The following NPR2 variants were observed in gnomAD, a reference collection of about 807,000 sequenced individuals.
NPR2 encodes natriuretic peptide receptor 2, also known as atrial natriuretic peptide receptor 2.
NPR2 carries 49 observed loss-of-function variants against 120.7 expected under a neutral mutation model. The ratio of observed to expected loss-of-function variants is 0.41; its 90% CI spans 0.32 to 0.52. The LOEUF is 0.52. Ranked by LOEUF, NPR2 falls within the 20% of genes least tolerant of loss-of-function variation. The pLI, the probability that NPR2 is intolerant of heterozygous loss-of-function variation, is 0.36. For missense variants in NPR2, 931 were observed against 1,362.9 expected, an observed-to-expected ratio of 0.68 and a Z score of 4.99; for synonymous variants, 484 against 519.8, an observed-to-expected ratio of 0.93 and a Z score of 0.94.
At chr9:35,795,035 A>G (rs762546600) in intron 2 of NPR2, among the ~76,000 whole-genome samples, 8 of 152,300 alleles carry the variant, frequency 5.3e-5, no homozygotes, top group Non-Finnish European at 1.2e-4. Context: ...GAATGTTGGC[A>G]TGACTCTGTT....
chr9:35,802,483 C>A lies in NPR2; in HGVS notation c.1711-20C>A. On this transcript the variant is annotated intron_variant, in intron 10 of 21. Transcript: ENST00000342694. The surrounding 1 kb of genome is among the most constrained non-coding windows in gnomAD (Gnocchi z 4.2). ...AACTCTTTCAATTTTCTTATCCTTC[C>A]CATTGTTTTTTTCTGCCAGATGAGA... The A allele has an allele frequency of 7.0e-7, 1 of 1,435,728 alleles. No individual in the cohort carries two copies. Among genetic ancestry groups the A allele is most frequent in the South Asian group, 1.1e-5 (1 of 87,454 alleles). 88.9% of individuals were successfully genotyped at this position (1,435,728 alleles called of 1,614,324 possible). A position where few individuals can be genotyped will look rare whatever the true frequency, so the allele number is the denominator to read the frequency against.
intron 17 of NPR2, 44 bp from the exon 18 acceptor site, chr9:35,807,286 A>T (rs372588782): frequency 2.7e-5 from 42 of 1,555,622 alleles, no homozygotes; most frequent in African/African-American, 9.5e-5. Context: ...TTCTTAGAAA[A>T]TTGGGCACAA....
Position 35,806,312 on chromosome 9 carries a change from G to A in NPR2, c.2372+79G>A, listed in dbSNP as rs1293268905. 3.1e-6 allele frequency: 5 copies of A among 1,609,274 alleles called. No homozygotes were observed. The highest frequency in any genetic ancestry group is 3.4e-6 in the Non-Finnish European group (4 of 1,175,802). On this transcript the variant is annotated intron_variant, in intron 15 of 21. Coordinates refer to ENST00000342694, the MANE Select transcript of NPR2 (RefSeq NM_003995.4). The surrounding 1 kb of genome is among the most constrained non-coding windows in gnomAD (Gnocchi z 4.6). ...CTAGTGCATGAAGTGGGGCAGGTGG[G>A]ACCAGAGGGTGGGTTGGATAGGAAG...
At position 35,801,072 on chromosome 9, in the gene NPR2, C is replaced by T. The variant is rs754405138; in HGVS notation, c.1354C>T (p.Pro452Ser). The T allele has an allele frequency of 2.5e-6, 4 of 1,613,472 alleles. No individual in the cohort carries two copies. The highest frequency in any genetic ancestry group is 2.5e-6 in the Non-Finnish European group (3 of 1,179,354). ...DLDDPSCDKTPLSTLAIVALG... is the reference protein window; with the variant it reads ...DLDDPSCDKTSLSTLAIVALG... ...CAGGGTCTCTATTTCCCCTTCAGCTCCACTTTCAACCCTGGCAATTGTGGC... is the reference window on the plus strand; with the variant it reads ...CAGGGTCTCTATTTCCCCTTCAGCTTCACTTTCAACCCTGGCAATTGTGGC... The change falls in exon 7 of 22, where the codon CCA becomes TCA. Residue 452 changes from proline to serine, a missense_variant and splice_region_variant. Pro to Ser is a moderately conservative substitution (Grantham distance 74). Around this residue, in one of 3 missense-constraint regions of NPR2, gnomAD observed 681 missense variants for 974.3 expected, o/e 0.70. Transcript: ENST00000342694.
At chr9:35,797,264 G>T (rs1362101842) in intron 2 of NPR2, among the ~76,000 whole-genome samples, 5 of 152,164 alleles carry the variant, frequency 3.3e-5, no homozygotes, top group Admixed American at 6.5e-5. Flanking sequence ...GATCAACCAG[G>T]ATAGGGAAGA....
chr9:35,799,928 C>G, intron 3 of NPR2, 94 bp from the exon 4 acceptor site: 1 of 1,576,990 alleles, frequency 6.3e-7, no homozygotes, highest in Non-Finnish European at 8.7e-7. Context: ...AGAAAGCAAA[C>G]CAGAAGAGAG....
chr9:35,806,369 G>A lies in NPR2; in HGVS notation c.2373-23G>A. ...GAATCTTCAGAATCTTAGAGCAAGTGCCTTATCCTGGCCTCCCTCTAGGGA... is the reference window on the plus strand; with the variant it reads ...GAATCTTCAGAATCTTAGAGCAAGTACCTTATCCTGGCCTCCCTCTAGGGA... On this transcript the variant is annotated intron_variant, in intron 15 of 21. Transcript: ENST00000342694. This position sits in a 1 kb window ranked among gnomAD's most constrained non-coding sequence, Gnocchi z 4.6. The A allele has an allele frequency of 6.2e-7, 1 of 1,613,382 alleles. No homozygotes were observed. The highest frequency in any genetic ancestry group is 8.5e-7 in the Non-Finnish European group (1 of 1,179,406).
rs753472316 is a variant in NPR2 at position 35,806,160 on chromosome 9, C to T, written c.2299C>T (p.Arg767Ter). ...LNEELVLLME[R>*]CWAQDPAERP... is the part of the protein sequence containing the mutation. ...TGAAGAGCTAGTTTTGCTGATGGAGCGATGTTGGGCTCAGGACCCAGCTGA... is the reference window on the plus strand; with the variant it reads ...TGAAGAGCTAGTTTTGCTGATGGAGTGATGTTGGGCTCAGGACCCAGCTGA... Residue 767 changes from arginine to a stop codon, truncating the protein, a stop_gained, in exon 15 of 22, where the codon CGA becomes TGA. Transcript: ENST00000342694. LOFTEE classifies it high-confidence loss of function. The surrounding 1 kb of genome is among the most constrained non-coding windows in gnomAD (Gnocchi z 4.6). 1.9e-6 allele frequency: 3 copies of T among 1,614,188 alleles called. No individual in the cohort carries two copies. The highest frequency in any genetic ancestry group is 2.5e-6 in the Non-Finnish European group (3 of 1,180,040).
In NPR2 at chr9:35,791,685, G is replaced by A. The variant is rs986843851; in HGVS notation, c.-724G>A. On this transcript the variant is annotated 5_prime_UTR_variant, in exon 1 of 22. Transcript: ENST00000342694. ...GCGGCGCGCGCGGGGCCCAGGCGGGGGGCGGGAGGAAGCGCCGGGCAGCGC... is the reference window on the plus strand; with the variant it reads ...GCGGCGCGCGCGGGGCCCAGGCGGGAGGCGGGAGGAAGCGCCGGGCAGCGC... Among the ~76,000 whole-genome samples, 59 of 150,898 alleles carry A rather than the reference G, an allele frequency of 3.9e-4. No homozygotes were observed. In the East Asian group the frequency reaches 4.9e-3, roughly 13 times the overall value.
At position 35,808,332 on chromosome 9, in the gene NPR2, A is replaced by G. The variant is rs1443281497; in HGVS notation, c.2713-177A>G. The G allele has an allele frequency of 1.9e-6, 3 of 1,552,968 alleles. No homozygotes were observed. The African/African-American group carries it at 4.1e-5, about 21-fold the overall frequency. On this transcript the variant is annotated intron_variant, in intron 18 of 21. Coordinates refer to ENST00000342694, the MANE Select transcript of NPR2 (RefSeq NM_003995.4). The surrounding 1 kb of genome is among the most constrained non-coding windows in gnomAD (Gnocchi z 4.0). Reference sequence around the variant, plus strand: ...CTGGGTGGAGAAAGAAGACTTAAAGATTCCCTAGACATCTCCTCTCCCCTA... The same window carrying G: ...CTGGGTGGAGAAAGAAGACTTAAAGGTTCCCTAGACATCTCCTCTCCCCTA...
Position 35,802,661 on chromosome 9 carries a change from TTATACTGACTC to T in NPR2, c.1815+58_1816-57del. ...AGGGGTGGGAAGGATAGACCCAAAG[TTATACTGACTC>T]TATGCTGGGTGATAGCTGGTGGGAC... On this transcript the variant is annotated intron_variant, in intron 11 of 21. Coordinates refer to ENST00000342694, the MANE Select transcript of NPR2 (RefSeq NM_003995.4). The surrounding 1 kb of genome is among the most constrained non-coding windows in gnomAD (Gnocchi z 4.2). The T allele has an allele frequency of 6.7e-7, 1 of 1,481,824 alleles. No homozygotes were observed. Among genetic ancestry groups the T allele is most frequent in the South Asian group, 1.1e-5 (1 of 88,414 alleles). The allele number at this position is 1,481,824 out of a possible 1,614,324, so 91.8% of individuals were successfully genotyped here. A position where few individuals can be genotyped will look rare whatever the true frequency, so the allele number is the denominator to read the frequency against.
chr9:35,802,406 A>G lies in NPR2; in HGVS notation c.1711-97A>G. ...TAAATGATTTTAAAATCGTAGATAC[A>G]ACTAAGAGAAAGGTCCTCTTATGTA... On this transcript the variant is annotated intron_variant, in intron 10 of 21. Transcript: ENST00000342694. The surrounding 1 kb of genome is among the most constrained non-coding windows in gnomAD (Gnocchi z 4.2). The G allele has an allele frequency of 2.1e-6, 2 of 954,080 alleles. No homozygotes were observed. Among genetic ancestry groups the G allele is most frequent in the South Asian group, 1.3e-5 (1 of 77,046 alleles). 59.1% of individuals were successfully genotyped at this position (954,080 alleles called of 1,614,324 possible).
In NPR2 at chr9:35,805,720, T is replaced by C. The variant is rs1273630732; in HGVS notation, c.2047+50T>C. On this transcript the variant is annotated intron_variant, in intron 13 of 21. Transcript: ENST00000342694. The surrounding 1 kb of genome is among the most constrained non-coding windows in gnomAD (Gnocchi z 4.9). ...TTTTTATATTGCTCCTCTTTCCACC[T>C]AGGGATGGTGGGAGAGGGAGGTGGA... 1.9e-6 allele frequency: 3 copies of C among 1,608,316 alleles called. No individual in the cohort carries two copies. The highest frequency in any genetic ancestry group is 1.1e-5 in the South Asian group (1 of 90,954).
At chr9:35,803,836 A>G (rs1450330278) in intron 12 of NPR2, among the ~76,000 whole-genome samples, 1 of 152,246 alleles carries the variant, frequency 6.6e-6, no homozygotes, top group African/African-American at 2.4e-5. Flanking sequence ...AAAATTTGCT[A>G]TCAAATGAGA....
Position 35,805,970 on chromosome 9 carries a change from G to A in NPR2, c.2188G>A (p.Asp730Asn). Residue 730 changes from aspartate (D) to asparagine (N), a missense_variant, in exon 14 of 22, where the codon GAC becomes AAC. By Grantham distance (23) the Asp-to-Asn change is conservative. This residue lies in a region of NPR2 where 681 missense variants were observed against 974.3 expected (regional missense o/e 0.70). Coordinates refer to ENST00000342694, the MANE Select transcript of NPR2 (RefSeq NM_003995.4). This position sits in a 1 kb window ranked among gnomAD's most constrained non-coding sequence, Gnocchi z 4.9. ...RSGPFYLEGL[D>N]LSPKEIVQKV... ...TGGTCCTTTCTACTTGGAGGGCCTG[G>A]ACCTCAGCCCCAAAGGTAAGAGTCA... 1 of 1,614,198 alleles carries A rather than the reference G, an allele frequency of 6.2e-7. No individual in the cohort carries two copies. Among genetic ancestry groups the A allele is most frequent in the Non-Finnish European group, 8.5e-7 (1 of 1,180,048 alleles).
At position 35,802,628 on chromosome 9, in the gene NPR2, A is replaced by T; in HGVS notation, c.1815+21A>T. 6.6e-7 allele frequency: 1 copy of T among 1,505,754 alleles called. No homozygotes were observed. Among genetic ancestry groups the T allele is most frequent in the Non-Finnish European group, 9.2e-7 (1 of 1,081,338 alleles). 93.3% of individuals were successfully genotyped at this position (1,505,754 alleles called of 1,614,324 possible). A position where few individuals can be genotyped will look rare whatever the true frequency, so the allele number is the denominator to read the frequency against. On this transcript the variant is annotated intron_variant, in intron 11 of 21. Coordinates refer to ENST00000342694, the MANE Select transcript of NPR2 (RefSeq NM_003995.4). The surrounding 1 kb of genome is among the most constrained non-coding windows in gnomAD (Gnocchi z 4.2). ...TACAGGTGAGGGATAGGTGTAGGAGATTATGGCAGGGGTGGGAAGGATAGA... is the reference window on the plus strand; with the variant it reads ...TACAGGTGAGGGATAGGTGTAGGAGTTTATGGCAGGGGTGGGAAGGATAGA...
At chr9:35,799,490 G>A (rs1408522451) in intron 2 of NPR2, 128 bp from the exon 3 acceptor site, 2 of 727,234 alleles carry the variant, frequency 2.8e-6, no homozygotes, top group Non-Finnish European at 5.0e-6. Flanking sequence ...CCCTTTCAAA[G>A]CCTTCAGACT....
intron 2 of NPR2, among the ~76,000 whole-genome samples, chr9:35,798,603 G>A (rs1828020403): frequency 6.6e-6 from 1 of 152,124 alleles, no homozygotes; most frequent in South Asian, 2.1e-4. Context: ...AACAAAACTG[G>A]GAGAAATGAC....
Position 35,792,736 on chromosome 9 carries a change from C to G in NPR2, c.328C>G (p.Arg110Gly). The change falls in exon 1 of 22, where the codon CGC (arginine) becomes GGC (glycine). Residue 110 changes from arginine (R) to glycine (G), a missense_variant. This residue lies in a region of NPR2 where 681 missense variants were observed against 974.3 expected (regional missense o/e 0.70). Transcript: ENST00000342694. The part of the protein sequence containing the change: ...GCVYPAASVA[R>G]FASHWRLPLL... ...CGTGTACCCTGCTGCCTCTGTGGCC[C>G]GCTTTGCCTCCCACTGGCGCCTTCC... The G allele has an allele frequency of 1.2e-6, 2 of 1,614,174 alleles. No individual in the cohort carries two copies. Among genetic ancestry groups the G allele is most frequent in the Non-Finnish European group, 1.7e-6 (2 of 1,180,032 alleles).
Sources: allele counts gnomAD v4.1 joint callset (sites outside exome capture counted in the v4.1 genomes callset), GRCh38; gene constraint gnomAD v4.1.1; regional missense constraint gnomAD v4.1.1; non-coding constraint Gnocchi (gnomAD v3.1); transcripts MANE v1.5; gene names NCBI Gene and HGNC (gene_info 2026-07-23, HGNC 2026-07-21).